DGKI: variants seen among roughly 807,000 people sequenced by gnomAD.
The protein encoded by DGKI is diacylglycerol kinase iota, also known as DAG kinase iota.
In DGKI, 55 loss-of-function variants were observed where a neutral mutation model predicts 147.5. The observed-to-expected ratio is 0.37, with a 90% CI of 0.30 to 0.47. The LOEUF is 0.47. Ranked by LOEUF, DGKI falls within the 20% of genes least tolerant of loss-of-function variation. The probability of loss-of-function intolerance (pLI) is 1.00; values close to 1 mark genes in which losing one functional copy is unlikely to be tolerated. For missense variants in DGKI, 1,007 were observed against 1,323.8 expected (o/e 0.76, Z 3.71); for synonymous variants, 469 against 477.1 (o/e 0.98, Z 0.22).
chr7:137,460,607 T>G (rs1221266741), intron 27 of DGKI, among the ~76,000 whole-genome samples: 1 of 152,232 alleles, frequency 6.6e-6, no homozygotes, highest in African/African-American at 2.4e-5. Context: ...ACTTACCAGT[T>G]GAGCATCCCA....
At chr7:137,688,130 T>C (rs921649857) in intron 2 of DGKI, among the ~76,000 whole-genome samples, 1 of 152,208 alleles carries the variant, frequency 6.6e-6, no homozygotes, top group Non-Finnish European at 1.5e-5. Flanking sequence ...CAAATGGGAA[T>C]GGAATGTCCT....
Position 137,384,086 on chromosome 7 carries a change from G to A in DGKI, c.*7134C>T, listed in dbSNP as rs1811121176. ...ATAAACTTAGAGCAATAGAGTCTTG[G>A]ATGTCAGGGCCATTTTTAACATTTT... On this transcript the variant is annotated 3_prime_UTR_variant, in exon 33 of 33. Coordinates refer to ENST00000614521, the MANE Select transcript of DGKI (RefSeq NM_001321708.2). 1.3e-5 allele frequency: 2 copies of A among 152,028 alleles called. No homozygotes were observed. The highest frequency in any genetic ancestry group is 1.3e-4 in the Admixed American group (2 of 15,228). 9.4% of individuals were successfully genotyped at this position (152,028 alleles called of 1,614,324 possible). A position where few individuals can be genotyped will look rare whatever the true frequency, so the allele number is the denominator to read the frequency against.
At chr7:137,793,358 T>C (rs1289406067) in intron 1 of DGKI, among the ~76,000 whole-genome samples, 2 of 151,534 alleles carry the variant, frequency 1.3e-5, no homozygotes, top group East Asian at 1.9e-4. Context: ...TGGAGTGCAG[T>C]GGTATGATCT....
chr7:137,578,821 T>G (rs912299791), intron 15 of DGKI, among the ~76,000 whole-genome samples: 3 of 152,234 alleles, frequency 2.0e-5, no homozygotes, highest in African/African-American at 7.2e-5. Context: ...CCGTAAGCTA[T>G]GTATGCAGCT....
At chr7:137,471,837 A>G (rs1814903095) in intron 23 of DGKI, among the ~76,000 whole-genome samples, 1 of 148,362 alleles carries the variant, frequency 6.7e-6, no homozygotes, top group African/African-American at 2.5e-5. Context: ...AAATATATCC[A>G]TATAGCTATG....
At chr7:137,654,626 A>C in intron 5 of DGKI, 106 bp downstream of exon 5, 1 of 856,378 alleles carries the variant, frequency 1.2e-6, no homozygotes, top group Non-Finnish European at 1.9e-6. Context: ...GGCATGCAAC[A>C]GAAAGAGATA....
intron 1 of DGKI, among the ~76,000 whole-genome samples, chr7:137,730,449 A>G (rs963488118): frequency 2.0e-5 from 3 of 151,838 alleles, no homozygotes; most frequent in African/African-American, 7.3e-5. Flanking sequence ...TCCTCTCTAC[A>G]CTACCTTGGT....
intron 1 of DGKI, among the ~76,000 whole-genome samples, chr7:137,690,406 A>G (rs1249060548): frequency 1.3e-5 from 2 of 152,222 alleles, no homozygotes; most frequent in Admixed American, 1.3e-4. Flanking sequence ...GAGGTCTCCT[A>G]CTGAAATTCC....
intron 5 of DGKI, among the ~76,000 whole-genome samples, chr7:137,648,647 C>G (rs144478634): frequency 6.6e-6 from 1 of 152,142 alleles, no homozygotes; most frequent in African/African-American, 2.4e-5. Flanking sequence ...AAGATTTCGT[C>G]GTGCTACTCA....
intron 20 of DGKI, among the ~76,000 whole-genome samples, chr7:137,543,084 G>A (rs1392579513): frequency 1.3e-5 from 2 of 152,224 alleles, no homozygotes; most frequent in African/African-American, 2.4e-5. Flanking sequence ...TAAAGGCTAA[G>A]AGAGTTCTAG....
Position 137,391,114 on chromosome 7 carries a change from G to A in DGKI, c.*106C>T, listed in dbSNP as rs985267341. 3 of 883,902 alleles carry A rather than the reference G, an allele frequency of 3.4e-6. No individual in the cohort carries two copies. The highest frequency in any genetic ancestry group is 2.4e-5 in the East Asian group (1 of 41,520). The allele number at this position is 883,902 out of a possible 1,614,324, so 54.8% of individuals were successfully genotyped here. A position where few individuals can be genotyped will look rare whatever the true frequency, so the allele number is the denominator to read the frequency against. Reference sequence around the variant, plus strand: ...GTCTCAGGTAGATTCTTGCAGGAGAGAGACAGATATATGAATTCCATCAGC... The same window carrying A: ...GTCTCAGGTAGATTCTTGCAGGAGAAAGACAGATATATGAATTCCATCAGC... On this transcript the variant is annotated 3_prime_UTR_variant, in exon 33 of 33. Transcript: ENST00000614521.
chr7:137,534,172 G>C (rs115050019), intron 20 of DGKI, among the ~76,000 whole-genome samples: 3 of 152,182 alleles, frequency 2.0e-5, no homozygotes, highest in Non-Finnish European at 2.9e-5. Context: ...TGTTTGGAAC[G>C]CTCAAAACGA....
At chr7:137,768,539 C>T (rs1022934196) in intron 1 of DGKI, among the ~76,000 whole-genome samples, 2 of 152,176 alleles carry the variant, frequency 1.3e-5, no homozygotes, top group Non-Finnish European at 2.9e-5. Flanking sequence ...CAAAAAATAT[C>T]CTTTCCAGCT....
At chr7:137,493,291 G>A (rs1815839655) in intron 21 of DGKI, among the ~76,000 whole-genome samples, 1 of 152,102 alleles carries the variant, frequency 6.6e-6, no homozygotes, top group African/African-American at 2.4e-5. Context: ...CACTATTACT[G>A]CCACTTGCAA....
intron 1 of DGKI, among the ~76,000 whole-genome samples, chr7:137,795,800 T>C (rs1797006716): frequency 6.6e-6 from 1 of 152,064 alleles, no homozygotes; most frequent in Non-Finnish European, 1.5e-5. Context: ...AACTCACACA[T>C]ATAGATCACA....
At chr7:137,832,818 C>A (rs1798257280) in intron 1 of DGKI, among the ~76,000 whole-genome samples, 1 of 152,328 alleles carries the variant, frequency 6.6e-6, no homozygotes, top group South Asian at 2.1e-4. Flanking sequence ...AAACTGAATG[C>A]CTTTAACAGC....
chr7:137,839,145 G>A (rs1490072041), intron 1 of DGKI, among the ~76,000 whole-genome samples: 1 of 152,068 alleles, frequency 6.6e-6, no homozygotes, highest in African/African-American at 2.4e-5. Context: ...TGATTCCTCC[G>A]CACACTGACT....
At chr7:137,402,329 T>C (rs1179072480) in intron 30 of DGKI, among the ~76,000 whole-genome samples, 1 of 152,210 alleles carries the variant, frequency 6.6e-6, no homozygotes, top group Non-Finnish European at 1.5e-5. Context: ...GGAAATGGTC[T>C]GAAAGCTAAG....
intron 12 of DGKI, among the ~76,000 whole-genome samples, chr7:137,593,493 A>G (rs1002918661): frequency 1.8e-4 from 28 of 152,214 alleles, no homozygotes; most frequent in African/African-American, 6.5e-4. Flanking sequence ...TGAAAATGGG[A>G]TCAGACCATC....
Sources: allele counts gnomAD v4.1 joint callset (sites outside exome capture counted in the v4.1 genomes callset), GRCh38; gene constraint gnomAD v4.1.1; transcripts MANE v1.5; gene names NCBI Gene and HGNC (gene_info 2026-07-23, HGNC 2026-07-21).